The following DSCAM variants were observed in gnomAD, a reference collection of about 807,000 sequenced individuals.
DSCAM encodes DS cell adhesion molecule.
DSCAM carries 47 observed loss-of-function variants against 217.7 expected under a neutral mutation model. That is an observed-to-expected ratio of 0.22 (90% CI 0.17 to 0.28). The LOEUF (loss-of-function observed/expected upper bound fraction) is 0.28. Ranked by LOEUF, DSCAM falls within the 10% of genes least tolerant of loss-of-function variation. DSCAM has a pLI of 1.00. For synonymous variants in DSCAM, 1,056 were observed against 1,015.3 expected (o/e 1.04, Z -0.76); for missense variants, 2,080 against 2,618.3 (o/e 0.79, Z 4.49).
intron 11 of DSCAM, among the ~76,000 whole-genome samples, chr21:40,257,264 A>G (rs2073385099): frequency 1.3e-5 from 2 of 152,202 alleles, no homozygotes; most frequent in South Asian, 2.1e-4. Flanking sequence ...CCTCCTGCAC[A>G]CTTTAGGTGC....
At position 40,512,604 on chromosome 21, in the gene DSCAM, A is replaced by G. The variant is rs377340140; in HGVS notation, c.509-143359T>C. On this transcript the variant is annotated intron_variant, in intron 3 of 32. Coordinates refer to ENST00000400454, the MANE Select transcript of DSCAM (RefSeq NM_001389.5). ...GAGGTCAGAATATTCTTAGCAGATT[A>G]TTGACTTCTGATTATTTGATTAATC... Among the ~76,000 whole-genome samples, 68 of 152,170 alleles carry G rather than the reference A, an allele frequency of 4.5e-4. 1 individual carries two copies. The South Asian group carries it at 0.014, about 31-fold the overall frequency.
At chr21:40,234,030 C>T (rs965813317) in intron 11 of DSCAM, among the ~76,000 whole-genome samples, 4 of 152,134 alleles carry the variant, frequency 2.6e-5, no homozygotes, top group African/African-American at 9.7e-5. Flanking sequence ...TCCTTCTTAA[C>T]CAGAAGGCCC....
intron 18 of DSCAM, among the ~76,000 whole-genome samples, chr21:40,141,980 A>G (rs1227763930): frequency 6.6e-6 from 1 of 150,418 alleles, no homozygotes; most frequent in Admixed American, 6.6e-5. Flanking sequence ...TGAAATACAC[A>G]CACACACACA....
At position 40,141,979 on chromosome 21, in the gene DSCAM, C is replaced by CACACACACACACACACACACACAT. The variant is rs1274442662; in HGVS notation, c.3406+578_3406+579insATGTGTGTGTGTGTGTGTGTGTGT. Among the ~76,000 whole-genome samples the CACACACACACACACACACACACAT allele has an allele frequency of 4.2e-4, 63 of 151,522 alleles. 1 individual carries two copies. The highest frequency in any genetic ancestry group is 1.4e-3 in the African/African-American group (56 of 41,186). On this transcript the variant is annotated intron_variant, in intron 18 of 32. Transcript: ENST00000400454. ...ATTTTGCCCTACCACTTGAAATACA[C>CACACACACACACACACACACACAT]ACACACACACACACACACACGATAA...
chr21:40,704,519 G>A (rs116087077), intron 2 of DSCAM, among the ~76,000 whole-genome samples: 416 of 152,158 alleles, frequency 2.7e-3, no homozygotes, highest in African/African-American at 9.7e-3. Context: ...ATTTGAGACC[G>A]GCCTGGGTAA....
At chr21:40,514,686 T>C (rs2076286427) in intron 3 of DSCAM, among the ~76,000 whole-genome samples, 1 of 152,212 alleles carries the variant, frequency 6.6e-6, no homozygotes, top group African/African-American at 2.4e-5. Context: ...CATGCACAAA[T>C]GGACCCTGCA....
At chr21:40,518,801 A>G (rs1220493574) in intron 3 of DSCAM, among the ~76,000 whole-genome samples, 1 of 151,134 alleles carries the variant, frequency 6.6e-6, no homozygotes, top group Admixed American at 6.6e-5. Context: ...TAACAGTGGG[A>G]TATGTTCTGA....
At chr21:40,432,237 A>AATAAAT in intron 3 of DSCAM, among the ~76,000 whole-genome samples, 1 of 150,666 alleles carries the variant, frequency 6.6e-6, no homozygotes, top group African/African-American at 2.5e-5. Flanking sequence ...TAAATAAATA[A>AATAAAT]ATATCTTCTT....
intron 11 of DSCAM, among the ~76,000 whole-genome samples, chr21:40,205,621 A>AAAC (rs2091116204): frequency 6.6e-6 from 1 of 150,558 alleles, no homozygotes. Context: ...AAAAAAAAAA[A>AAAC]AGTGTTCTCT....
At chr21:40,561,683 T>C (rs1311749185) in intron 3 of DSCAM, among the ~76,000 whole-genome samples, 2 of 152,242 alleles carry the variant, frequency 1.3e-5, no homozygotes, top group African/African-American at 4.8e-5. Context: ...TTTCCTTTTT[T>C]GTTTCAATCT....
intron 3 of DSCAM, among the ~76,000 whole-genome samples, chr21:40,399,241 G>C (rs2075210339): frequency 6.6e-6 from 1 of 151,910 alleles, no homozygotes; most frequent in African/African-American, 2.4e-5. Context: ...CTGCACTTCA[G>C]CCTGGGTGAC....
At chr21:40,424,194 T>C (rs1459775085) in intron 3 of DSCAM, among the ~76,000 whole-genome samples, 3 of 152,198 alleles carry the variant, frequency 2.0e-5, no homozygotes, top group Non-Finnish European at 4.4e-5. Flanking sequence ...TTAGAAGTCA[T>C]GGGATAAATT....
intron 1 of DSCAM, among the ~76,000 whole-genome samples, chr21:40,731,728 A>ACCCCCCCCCCCCC (rs148482159): frequency 1.1e-4 from 9 of 79,676 alleles, no homozygotes; most frequent in South Asian, 5.5e-4. Context: ...TTCCCACTGC[A>ACCCCCCCCCCCCC]CCCCCCCCCC....
At chr21:40,485,464 C>A (rs868131761) in intron 3 of DSCAM, among the ~76,000 whole-genome samples, 21 of 150,234 alleles carry the variant, frequency 1.4e-4, no homozygotes, top group South Asian at 6.4e-4. Context: ...GGATGGTCTC[C>A]ATCTCCTGAC....
At chr21:40,132,646 T>G (rs1161435886) in intron 19 of DSCAM, among the ~76,000 whole-genome samples, 2 of 152,022 alleles carry the variant, frequency 1.3e-5, no homozygotes, top group African/African-American at 4.8e-5. Context: ...AAACACCAGG[T>G]GAGAGTGGAT....
At chr21:40,317,706 T>C (rs2074214288) in intron 8 of DSCAM, among the ~76,000 whole-genome samples, 2 of 152,142 alleles carry the variant, frequency 1.3e-5, no homozygotes, top group African/African-American at 4.8e-5. Flanking sequence ...ATTTTTTTTG[T>C]ATTTTTAGTA....
chr21:40,355,488 A>G (rs1442086469), intron 4 of DSCAM, among the ~76,000 whole-genome samples: 9 of 152,184 alleles, frequency 5.9e-5, no homozygotes. Flanking sequence ...GTTTGAATGG[A>G]GTGATGTTCC....
In DSCAM at chr21:40,093,879, A is replaced by T. The variant is rs1424108082; in HGVS notation, c.3697-5T>A. ...GGCCTCAAACTCGCTGATCACCTGTAAAAAGAGACATAAGTGTTCCCACAT... is the reference window on the plus strand; with the variant it reads ...GGCCTCAAACTCGCTGATCACCTGTTAAAAGAGACATAAGTGTTCCCACAT... On this transcript the variant is annotated splice_polypyrimidine_tract_variant and splice_region_variant and intron_variant, in intron 20 of 32. Transcript: ENST00000400454. 1.2e-6 allele frequency: 2 copies of T among 1,613,118 alleles called. No individual in the cohort carries two copies. The highest frequency in any genetic ancestry group is 4.5e-5 in the East Asian group (2 of 44,854).
At chr21:40,482,383 A>C (rs2075990539) in intron 3 of DSCAM, among the ~76,000 whole-genome samples, 1 of 152,188 alleles carries the variant, frequency 6.6e-6, no homozygotes, top group African/African-American at 2.4e-5. Context: ...AATAAAGCTA[A>C]TGACTGTCTT....
Sources: allele counts gnomAD v4.1 joint callset (sites outside exome capture counted in the v4.1 genomes callset), GRCh38; gene constraint gnomAD v4.1.1; transcripts MANE v1.5; gene names NCBI Gene and HGNC (gene_info 2026-07-23, HGNC 2026-07-21).